The following NRG2 variants were observed in gnomAD, a reference collection of about 807,000 sequenced individuals.
The protein encoded by NRG2 is pro-neuregulin-2, membrane-bound isoform.
A neutral mutation model predicts 73.9 loss-of-function variants in NRG2; 27 were observed. The ratio of observed to expected loss-of-function variants is 0.37; its 90% CI spans 0.27 to 0.50. NRG2 has a LOEUF of 0.50. Ranked by LOEUF, NRG2 falls within the 20% of genes least tolerant of loss-of-function variation. NRG2 has a pLI of 0.96. For synonymous variants in NRG2, 532 were observed against 541.0 expected, an observed-to-expected ratio of 0.98 and a Z score of 0.23; for missense variants, 1,126 against 1,210.1, an observed-to-expected ratio of 0.93 and a Z score of 1.03.
chr5:139,939,243 CCTTT>C lies in NRG2; in HGVS notation c.701-51736_701-51733del, dbSNP rs1283419387. ...TCCTTCCTTCCTTCCTTCCTTCCTT[CCTTT>C]CTTTCTTTCTTTCTTTTTCTTTCTT... On this transcript the variant is annotated intron_variant, in intron 1 of 9. Transcript: ENST00000361474. Among the ~76,000 whole-genome samples the C allele has an allele frequency of 6.8e-3, 474 of 69,248 alleles. 3 individuals carry two copies. Among genetic ancestry groups the C allele is most frequent in the Middle Eastern group, 0.039 (4 of 102 alleles). The allele number at this position is 69,248 out of a possible 152,430, so 45.4% of individuals were successfully genotyped here.
chr5:139,952,685 C>T (rs1193677176), intron 1 of NRG2, among the ~76,000 whole-genome samples: 7 of 152,160 alleles, frequency 4.6e-5, no homozygotes, highest in Admixed American at 2.6e-4. Context: ...GCACTAAGGC[C>T]GAGCTCTCCC....
At chr5:139,989,527 G>A (rs1402617015) in intron 1 of NRG2, among the ~76,000 whole-genome samples, 2 of 151,818 alleles carry the variant, frequency 1.3e-5, no homozygotes, top group Non-Finnish European at 2.9e-5. Context: ...TAGTGTTATT[G>A]CATCTATAAG....
chr5:139,985,182 A>G (rs536800821), intron 1 of NRG2, among the ~76,000 whole-genome samples: 1 of 152,048 alleles, frequency 6.6e-6, no homozygotes, highest in South Asian at 2.1e-4. Context: ...TCTACTATAA[A>G]TATAAAAATT....
chr5:139,901,786 T>A (rs1015789841), intron 1 of NRG2, among the ~76,000 whole-genome samples: 7 of 152,200 alleles, frequency 4.6e-5, no homozygotes, highest in African/African-American at 7.2e-5. Flanking sequence ...AGACTTTTTT[T>A]AAATGAAACC....
chr5:139,890,508 T>C (rs1764152041), intron 1 of NRG2, among the ~76,000 whole-genome samples: 1 of 148,648 alleles, frequency 6.7e-6, no homozygotes, highest in Non-Finnish European at 1.5e-5. Context: ...AGAGATTCTA[T>C]GTGCATCAAT....
intron 1 of NRG2, among the ~76,000 whole-genome samples, chr5:139,967,622 G>A (rs1394247981): frequency 1.3e-5 from 2 of 152,150 alleles, no homozygotes; most frequent in African/African-American, 2.4e-5. Flanking sequence ...GAATGCCTGG[G>A]CTCTAGTCAG....
At chr5:139,922,279 A>C (rs906575075) in intron 1 of NRG2, among the ~76,000 whole-genome samples, 3 of 152,240 alleles carry the variant, frequency 2.0e-5, no homozygotes, top group African/African-American at 7.2e-5. Flanking sequence ...CAGTTAAAAA[A>C]TGATCAAAAG....
At chr5:140,026,045 G>C (rs1240535434) in intron 1 of NRG2, among the ~76,000 whole-genome samples, 2 of 152,142 alleles carry the variant, frequency 1.3e-5, no homozygotes, top group African/African-American at 4.8e-5. Flanking sequence ...AAGCCCAGAA[G>C]GAAGAGGAGG....
At position 140,005,121 on chromosome 5, in the gene NRG2, T is replaced by C. The variant is rs149370403; in HGVS notation, c.700+37249A>G. ...ATTGGGTGGATTCCCCCACCTCCCC[T>C]AAAAAATGTCTATTAGGTCTTGAAC... is the stretch of plus-strand genomic sequence containing the variant. On this transcript the variant is annotated intron_variant, in intron 1 of 9. Coordinates refer to ENST00000361474, the MANE Select transcript of NRG2 (RefSeq NM_004883.3). Among the ~76,000 whole-genome samples, 1,368 of 152,226 alleles carry C rather than the reference T, an allele frequency of 9.0e-3. 60 individuals are homozygous for C. The highest frequency in any genetic ancestry group is 0.072 in the Admixed American group (1,100 of 15,286).
chr5:139,967,901 G>C (rs2126522007), intron 1 of NRG2, among the ~76,000 whole-genome samples: 1 of 152,172 alleles, frequency 6.6e-6, no homozygotes, highest in African/African-American at 2.4e-5. Context: ...AGAGGTTGCA[G>C]TGAGCTGAGA....
intron 1 of NRG2, among the ~76,000 whole-genome samples, chr5:139,943,451 C>G (rs928814838): frequency 6.6e-6 from 1 of 152,082 alleles, no homozygotes; most frequent in Non-Finnish European, 1.5e-5. Context: ...CCCGGCCCCA[C>G]TTTTGATTTT....
At chr5:140,003,214 A>G (rs1758629858) in intron 1 of NRG2, among the ~76,000 whole-genome samples, 1 of 152,244 alleles carries the variant, frequency 6.6e-6, no homozygotes, top group Non-Finnish European at 1.5e-5. Context: ...AGAAATGCAA[A>G]TAAAACAAGA....
At position 139,848,175 on chromosome 5, in the gene NRG2, C is replaced by T. The variant is rs1259373373; in HGVS notation, c.2295G>A (p.Leu765=). ...RARAARDSLS[L]SSGSGGGSAS... ...CTGAGCCGCCGCCCGAGCCGCTGCT[C>T]AGCGACAGCGAGTCCCTCGCCGCCC... Residue 765 remains leucine, a synonymous_variant, in exon 10 of 10, where the codon CTG becomes CTA. Coordinates refer to ENST00000361474, the MANE Select transcript of NRG2 (RefSeq NM_004883.3). 2 of 1,413,432 alleles carry T rather than the reference C, an allele frequency of 1.4e-6. No individual in the cohort carries two copies. Among genetic ancestry groups the T allele is most frequent in the African/African-American group, 1.5e-5 (1 of 66,100 alleles). 87.6% of individuals were successfully genotyped at this position (1,413,432 alleles called of 1,614,324 possible).
chr5:139,865,369 G>C lies in NRG2; in HGVS notation c.1189+180C>G, dbSNP rs1762416890. On this transcript the variant is annotated intron_variant, in intron 5 of 9. Coordinates refer to ENST00000361474, the MANE Select transcript of NRG2 (RefSeq NM_004883.3). This position sits in a 1 kb window ranked among gnomAD's most constrained non-coding sequence, Gnocchi z 5.2. Reference sequence around the variant, plus strand: ...GGATTAGGCCAAAAATGAAAACAAAGCAAAACAAAACAAAACAAAAAGAAC... The same window carrying C: ...GGATTAGGCCAAAAATGAAAACAAACCAAAACAAAACAAAACAAAAAGAAC... 6.6e-6 allele frequency among the ~76,000 whole-genome samples: 1 copy of C among 152,048 alleles called. No homozygotes were observed. Among genetic ancestry groups the C allele is most frequent in the East Asian group, 1.9e-4 (1 of 5,194 alleles).
intron 2 of NRG2, among the ~76,000 whole-genome samples, chr5:139,883,550 C>T (rs1464160693): frequency 2.0e-5 from 3 of 152,046 alleles, no homozygotes; most frequent in South Asian, 2.1e-4. Context: ...AGACAGAGTG[C>T]GGCCCGGGCA....
chr5:139,871,941 A>G, intron 3 of NRG2, 100 bp from the exon 4 acceptor site: 1 of 1,498,112 alleles, frequency 6.7e-7, no homozygotes, highest in East Asian at 2.3e-5. Context: ...GAAGATGACC[A>G]GAGGCTGCAG....
In NRG2 at chr5:139,937,502, A is replaced by T. The variant is rs1752935966; in HGVS notation, c.701-49991T>A. Reference sequence around the variant, plus strand: ...AAAAAAGACATACAGATTGGAAAAGAAGTAAAAGTGTCTTGATTCACAGAT... The same window carrying T: ...AAAAAAGACATACAGATTGGAAAAGTAGTAAAAGTGTCTTGATTCACAGAT... On this transcript the variant is annotated intron_variant, in intron 1 of 9. Coordinates refer to ENST00000361474, the MANE Select transcript of NRG2 (RefSeq NM_004883.3). Among the ~76,000 whole-genome samples, 4 of 152,224 alleles carry T rather than the reference A, an allele frequency of 2.6e-5. No individual in the cohort carries two copies. The South Asian group carries it at 8.3e-4, about 32-fold the overall frequency.
chr5:140,024,138 G>A (rs1760472550), intron 1 of NRG2, among the ~76,000 whole-genome samples: 1 of 152,122 alleles, frequency 6.6e-6, no homozygotes, highest in South Asian at 2.1e-4. Flanking sequence ...ACCCAGCTGG[G>A]CAGGGCAGAG....
At chr5:139,966,255 G>T (rs911759604) in intron 1 of NRG2, among the ~76,000 whole-genome samples, 1 of 152,124 alleles carries the variant, frequency 6.6e-6, no homozygotes, top group Non-Finnish European at 1.5e-5. Flanking sequence ...TTCAAGGAAG[G>T]CCCACCAGCT....
Sources: gnomAD v4.1 joint callset for allele counts (sites outside exome capture counted in the v4.1 genomes callset) on GRCh38, gnomAD v4.1.1 for gene constraint, Gnocchi (gnomAD v3.1) non-coding constraint, MANE v1.5 for transcripts, NCBI Gene and HGNC (gene_info 2026-07-23, HGNC 2026-07-21) for gene names.